NOL10: variants seen among roughly 807,000 people sequenced by gnomAD.
NOL10 encodes H_NH0074G24.1.
Under a neutral mutation model 103.5 loss-of-function variants are expected in NOL10, and 58 were observed. The observed-to-expected ratio is 0.56, with a 90% CI of 0.45 to 0.70. NOL10 has a LOEUF of 0.70. NOL10 is among the 30% of genes least tolerant of loss of function. NOL10 has a pLI of 0.00. For missense variants in NOL10, 763 were observed against 807.3 expected, an observed-to-expected ratio of 0.95 and a Z score of 0.67; for synonymous variants, 287 against 282.5, an observed-to-expected ratio of 1.02 and a Z score of -0.16.
At chr2:10,585,815 T>C (rs1448800847) in intron 19 of NOL10, among the ~76,000 whole-genome samples, 2 of 152,256 alleles carry the variant, frequency 1.3e-5, no homozygotes, top group Non-Finnish European at 1.5e-5. Flanking sequence ...ATAGTTGTTA[T>C]ACTATTGTTT....
chr2:10,612,436 G>A (rs374973533), intron 13 of NOL10, among the ~76,000 whole-genome samples: 7 of 152,174 alleles, frequency 4.6e-5, no homozygotes, highest in Admixed American at 3.9e-4. Context: ...TACTATTAAT[G>A]GAACAAATAA....
intron 19 of NOL10, 145 bp downstream of exon 19, chr2:10,588,898 T>G (rs1013130864): frequency 2.4e-6 from 3 of 1,252,894 alleles, no homozygotes; most frequent in African/African-American, 3.0e-5. Context: ...CTGCACGGCC[T>G]TACCTCCCCT....
chr2:10,602,235 T>TC (rs1173506305), intron 16 of NOL10, among the ~76,000 whole-genome samples: 1 of 152,260 alleles, frequency 6.6e-6, no homozygotes, highest in Non-Finnish European at 1.5e-5. Context: ...CCCAGGCTGT[T>TC]CCGCAGCTCT....
At chr2:10,588,769 T>A (rs1046439010) in intron 19 of NOL10, among the ~76,000 whole-genome samples, 2 of 152,246 alleles carry the variant, frequency 1.3e-5, no homozygotes, top group East Asian at 3.8e-4. Flanking sequence ...CCCTGTATTT[T>A]ACTGCATGTA....
chr2:10,653,221 C>T (rs564476972), intron 12 of NOL10, among the ~76,000 whole-genome samples: 1 of 151,312 alleles, frequency 6.6e-6, no homozygotes, highest in African/African-American at 2.4e-5. Context: ...CCACACATTT[C>T]TAAGCCCTTT....
chr2:10,583,249 A>C (rs182134889), intron 19 of NOL10, among the ~76,000 whole-genome samples: 29 of 152,366 alleles, frequency 1.9e-4, no homozygotes, highest in Admixed American at 5.2e-4. Context: ...AATTCTATGT[A>C]AATACATCAC....
At chr2:10,579,493 G>A (rs1225018205) in intron 19 of NOL10, among the ~76,000 whole-genome samples, 1 of 151,696 alleles carries the variant, frequency 6.6e-6, no homozygotes, top group Non-Finnish European at 1.5e-5. Flanking sequence ...CAGGAAACTT[G>A]TCCATTAAGT....
intron 7 of NOL10, among the ~76,000 whole-genome samples, chr2:10,667,826 GT>G (rs956985743): frequency 3.6e-4 from 53 of 149,266 alleles, no homozygotes; most frequent in East Asian, 2.5e-3. Flanking sequence ...ACTACTACAA[GT>G]TTTTTTTTTA....
intron 13 of NOL10, chr2:10,634,516 G>C (rs1377449635): frequency 2.2e-6 from 1 of 456,718 alleles, no homozygotes; most frequent in Admixed American, 2.3e-5. Flanking sequence ...TGGAGAAGCC[G>C]AGTAGACTGG....
intron 14 of NOL10, among the ~76,000 whole-genome samples, chr2:10,605,796 C>T (rs1369736875): frequency 1.3e-5 from 2 of 152,128 alleles, no homozygotes; most frequent in Non-Finnish European, 2.9e-5. Context: ...CTATTTCATT[C>T]AAGTCATTTT....
In NOL10 at chr2:10,616,274, G is replaced by T. The variant is rs950863598; in HGVS notation, c.1027-8963C>A. On this transcript the variant is annotated intron_variant, in intron 13 of 20. Coordinates refer to ENST00000381685, the MANE Select transcript of NOL10 (RefSeq NM_024894.4). ...GGCAGAGTCTTGCTCTGTCACCCAGGTTGGAGTGCAGTGGTGCGATCTCGG... is the reference window on the plus strand; with the variant it reads ...GGCAGAGTCTTGCTCTGTCACCCAGTTTGGAGTGCAGTGGTGCGATCTCGG... Among the ~76,000 whole-genome samples, 3 of 142,752 alleles carry T rather than the reference G, an allele frequency of 2.1e-5. No individual in the cohort carries two copies. The East Asian group carries it at 6.1e-4, about 29-fold the overall frequency. 93.7% of individuals were successfully genotyped at this position (142,752 alleles called of 152,430 possible).
At chr2:10,689,513 A>G (rs761792466) in intron 1 of NOL10, among the ~76,000 whole-genome samples, 1 of 152,186 alleles carries the variant, frequency 6.6e-6, no homozygotes, top group Non-Finnish European at 1.5e-5. Flanking sequence ...AAGAGGCCCA[A>G]ATGGTTGCGT....
intron 12 of NOL10, among the ~76,000 whole-genome samples, chr2:10,652,868 G>A (rs1417791397): frequency 6.6e-6 from 1 of 152,162 alleles, no homozygotes; most frequent in Non-Finnish European, 1.5e-5. Flanking sequence ...TTCAGGGCTT[G>A]CCGCCTAAGA....
intron 11 of NOL10, 150 bp downstream of exon 11, chr2:10,657,592 T>C (rs1679926630): frequency 3.5e-6 from 2 of 579,268 alleles, no homozygotes; most frequent in African/African-American, 1.9e-5. Context: ...ATATTATCTA[T>C]CCAAAAGTAA....
intron 17 of NOL10, among the ~76,000 whole-genome samples, chr2:10,590,099 A>G (rs2148164141): frequency 6.6e-6 from 1 of 152,198 alleles, no homozygotes; most frequent in Admixed American, 6.5e-5. Flanking sequence ...AGAAGATACT[A>G]GGTTTTTAAA....
At chr2:10,595,961 G>A (rs1338660707) in intron 17 of NOL10, among the ~76,000 whole-genome samples, 1 of 151,844 alleles carries the variant, frequency 6.6e-6, no homozygotes, top group Non-Finnish European at 1.5e-5. Context: ...ATGTATAACT[G>A]TAATTTAAAA....
intron 16 of NOL10, 87 bp from the exon 17 acceptor site, chr2:10,601,029 G>T: frequency 1.3e-6 from 1 of 757,572 alleles, no homozygotes; most frequent in African/African-American, 1.8e-5. Flanking sequence ...AGTTGTGTAA[G>T]TATAATTTCA....
intron 19 of NOL10, among the ~76,000 whole-genome samples, chr2:10,588,197 G>A (rs1675213145): frequency 6.6e-6 from 1 of 152,060 alleles, no homozygotes; most frequent in South Asian, 2.1e-4. Flanking sequence ...ACCTTTTTTG[G>A]GGAAGGTTAA....
intron 6 of NOL10, among the ~76,000 whole-genome samples, chr2:10,669,869 C>T (rs999896448): frequency 3.3e-5 from 5 of 150,994 alleles, no homozygotes; most frequent in Non-Finnish European, 7.4e-5. Flanking sequence ...TCCAGCCTGG[C>T]GACAGAGCGA....
Sources: allele counts gnomAD v4.1 joint callset (sites outside exome capture counted in the v4.1 genomes callset), GRCh38; gene constraint gnomAD v4.1.1; transcripts MANE v1.5; gene names NCBI Gene and HGNC (gene_info 2026-07-23, HGNC 2026-07-21).